Variants in SLC31A1 observed in about 807,000 individuals in gnomAD.
SLC31A1 encodes the protein high affinity copper uptake protein 1.
A neutral mutation model predicts 17.2 loss-of-function variants in SLC31A1; 5 were observed. The ratio of observed to expected loss-of-function variants is 0.29; its 90% confidence interval spans 0.15 to 0.61. The LOEUF (loss-of-function observed/expected upper bound fraction) is 0.61. Among genes scored for constraint, SLC31A1 ranks in the 20% least tolerant of loss-of-function variants. SLC31A1 has a pLI of 0.86. For missense variants in SLC31A1, 161 were observed against 241.4 expected (o/e 0.67, Z 2.21); for synonymous variants, 76 against 78.8 (o/e 0.96, Z 0.19).
chr9:113,247,350 A>G (rs1831592827), intron 1 of SLC31A1, among the ~76,000 whole-genome samples: 1 of 152,224 alleles, frequency 6.6e-6, no homozygotes, highest in Non-Finnish European at 1.5e-5. Context: ...GCTCCAGATT[A>G]TATCTGTCTG....
At position 113,263,890 on chromosome 9, in the gene SLC31A1, C is replaced by T. The variant is rs184495650; in HGVS notation, c.*3417C>T. ...CTATGGTAGGGTTGTCTGAAATTCC[C>T]TTTCAGGCTGTGGGTACTGGTCTTG... On this transcript the variant is annotated 3_prime_UTR_variant, in exon 5 of 5. Transcript: ENST00000374212. 1.3e-3 allele frequency: 199 copies of T among 152,318 alleles called. No individual in the cohort carries two copies. Among genetic ancestry groups the T allele is most frequent in the African/African-American group, 4.6e-3 (192 of 41,558 alleles). 9.4% of individuals were successfully genotyped at this position (152,318 alleles called of 1,614,324 possible).
chr9:113,247,984 A>T (rs1831601820), intron 1 of SLC31A1, among the ~76,000 whole-genome samples: 1 of 152,160 alleles, frequency 6.6e-6, no homozygotes, highest in Admixed American at 6.6e-5. Flanking sequence ...TTAATTTTTT[A>T]AAATAGTCAA....
chr9:113,242,383 A>G (rs567618557), intron 1 of SLC31A1, among the ~76,000 whole-genome samples: 1 of 152,288 alleles, frequency 6.6e-6, no homozygotes, highest in East Asian at 1.9e-4. Flanking sequence ...ATACAGGCAG[A>G]AGAGGTAGGT....
rs1012141340 is a variant in SLC31A1, at chr9:113,261,571, G to T, written c.*1098G>T. ...TTACTTTGTCTTGATACCTTGGTTT[G>T]TCCCAGCTGAAGTGAAGCAAGAGAG... On this transcript the variant is annotated 3_prime_UTR_variant, in exon 5 of 5. Transcript: ENST00000374212. The T allele has an allele frequency of 1.1e-4, 17 of 152,650 alleles. No individual in the cohort carries two copies. The highest frequency in any genetic ancestry group is 1.8e-4 in the Non-Finnish European group (12 of 68,042). The allele number at this position is 152,650 out of a possible 1,614,324, so 9.5% of individuals were successfully genotyped here. A position where few individuals can be genotyped will look rare whatever the true frequency, so the allele number is the denominator to read the frequency against.
At chr9:113,228,415 A>G (rs947317262) in intron 1 of SLC31A1, among the ~76,000 whole-genome samples, 3 of 152,256 alleles carry the variant, frequency 2.0e-5, no homozygotes, top group African/African-American at 7.2e-5. Context: ...TCCACTCCCC[A>G]TTGGACTTAG....
chr9:113,242,754 TC>T (rs1831535321), intron 1 of SLC31A1, among the ~76,000 whole-genome samples: 1 of 152,266 alleles, frequency 6.6e-6, no homozygotes, highest in Admixed American at 6.5e-5. Context: ...TTGTTCCATT[TC>T]CCCGATGTCA....
At position 113,229,633 on chromosome 9, in the gene SLC31A1, A is replaced by G. The variant is rs576995156; in HGVS notation, c.-36+7955A>G. 9.1e-4 allele frequency among the ~76,000 whole-genome samples: 139 copies of G among 152,210 alleles called. 4 individuals carry two copies. The highest frequency in any genetic ancestry group is 1.2e-3 in the Admixed American group (18 of 15,276). Reference sequence around the variant, plus strand: ...AACTTTGTACATACACATTTCACATATGTGCCAGTTTATCTGTAGAATGAA... The same window carrying G: ...AACTTTGTACATACACATTTCACATGTGTGCCAGTTTATCTGTAGAATGAA... On this transcript the variant is annotated intron_variant, in intron 1 of 4. Coordinates refer to ENST00000374212, the MANE Select transcript of SLC31A1 (RefSeq NM_001859.4).
chr9:113,239,301 T>C (rs1168555760), intron 1 of SLC31A1, among the ~76,000 whole-genome samples: 2 of 152,204 alleles, frequency 1.3e-5, no homozygotes, highest in African/African-American at 4.8e-5. Context: ...AATAAATTCT[T>C]CTTACTAATT....
chr9:113,251,259 C>G (rs1035720750), intron 1 of SLC31A1, among the ~76,000 whole-genome samples: 4 of 151,950 alleles, frequency 2.6e-5, no homozygotes, highest in African/African-American at 9.7e-5. Context: ...CTCATCTCCA[C>G]TAAAAATAAA....
At chr9:113,259,769 A>G (rs1337827746) in intron 4 of SLC31A1, among the ~76,000 whole-genome samples, 1 of 151,686 alleles carries the variant, frequency 6.6e-6, no homozygotes, top group African/African-American at 2.4e-5. Context: ...TATTTTTTGT[A>G]GAGACAAGGT....
intron 1 of SLC31A1, among the ~76,000 whole-genome samples, chr9:113,245,842 C>CA (rs1831571596): frequency 6.6e-6 from 1 of 152,092 alleles, no homozygotes; most frequent in Non-Finnish European, 1.5e-5. Context: ...TCATGTTGCC[C>CA]AGGCGGGTCT....
chr9:113,244,517 A>C (rs752542855), intron 1 of SLC31A1, among the ~76,000 whole-genome samples: 4 of 152,230 alleles, frequency 2.6e-5, no homozygotes, highest in Non-Finnish European at 4.4e-5. Context: ...GAAAAAAACA[A>C]GAGTGAGAGA....
intron 1 of SLC31A1, among the ~76,000 whole-genome samples, chr9:113,240,125 C>T (rs1831506306): frequency 1.3e-5 from 2 of 152,194 alleles, no homozygotes; most frequent in East Asian, 3.9e-4. Context: ...TTAGTTCTTT[C>T]ACCGTTATTC....
intron 1 of SLC31A1, among the ~76,000 whole-genome samples, chr9:113,228,686 G>A (rs1587986884): frequency 2.0e-5 from 3 of 152,136 alleles, no homozygotes; most frequent in South Asian, 2.1e-4. Flanking sequence ...CAAGCCATCC[G>A]GAGAAATGGG....
chr9:113,259,468 T>G (rs1831765027), intron 4 of SLC31A1, among the ~76,000 whole-genome samples: 1 of 152,210 alleles, frequency 6.6e-6, no homozygotes, highest in Non-Finnish European at 1.5e-5. Context: ...CCAGAAGGAT[T>G]GTGACCTACC....
chr9:113,226,896 C>T lies in SLC31A1; in HGVS notation c.-36+5218C>T, dbSNP rs573718421. Among the ~76,000 whole-genome samples, 3 of 152,290 alleles carry T rather than the reference C, an allele frequency of 2.0e-5. No homozygotes were observed. The South Asian group carries it at 6.2e-4, about 32-fold the overall frequency. ...ATGAAATGAAAGGGAAATGGTGTAA[C>T]TCATACACCCGCATCCTCTCTCCTA... On this transcript the variant is annotated intron_variant, in intron 1 of 4. Transcript: ENST00000374212.
At chr9:113,259,658 C>T (rs1831768903) in intron 4 of SLC31A1, among the ~76,000 whole-genome samples, 1 of 148,446 alleles carries the variant, frequency 6.7e-6, no homozygotes, top group Non-Finnish European at 1.5e-5. Flanking sequence ...TATCTTGGCT[C>T]ACTGCAATCT....
intron 1 of SLC31A1, among the ~76,000 whole-genome samples, chr9:113,247,548 T>C (rs1283971178): frequency 6.6e-6 from 1 of 152,232 alleles, no homozygotes; most frequent in Non-Finnish European, 1.5e-5. Context: ...ATTCCCTAAC[T>C]TCTGACCATA....
chr9:113,242,869 T>G (rs780309450), intron 1 of SLC31A1, among the ~76,000 whole-genome samples: 5 of 152,266 alleles, frequency 3.3e-5, no homozygotes, highest in Non-Finnish European at 7.3e-5. Flanking sequence ...GCAGCCAGTA[T>G]AATCTCTTCC....
Sources: gnomAD v4.1 joint callset for allele counts (sites outside exome capture counted in the v4.1 genomes callset) on GRCh38, gnomAD v4.1.1 for gene constraint, MANE v1.5 for transcripts, NCBI Gene and HGNC (gene_info 2026-07-23, HGNC 2026-07-21) for gene names.